The following SMC1B variants were observed in gnomAD, a reference collection of about 807,000 sequenced individuals.
SMC1B encodes structural maintenance of chromosomes protein 1B.
In SMC1B, 60 loss-of-function variants were observed where a neutral mutation model predicts 157.9. The observed-to-expected ratio is 0.38, with a 90% CI of 0.31 to 0.47. The LOEUF is 0.47. Ranked by LOEUF, SMC1B falls within the 20% of genes least tolerant of loss-of-function variation. The pLI is 0.99. For synonymous variants in SMC1B, 445 were observed against 483.0 expected, an observed-to-expected ratio of 0.92 and a Z score of 1.03; for missense variants, 1,165 against 1,426.2, an observed-to-expected ratio of 0.82 and a Z score of 2.95.
chr22:45,393,695 T>A lies in SMC1B; in HGVS notation c.1484A>T (p.Lys495Ile), dbSNP rs1294331848. 1 of 1,614,166 alleles carries A rather than the reference T, an allele frequency of 6.2e-7. No individual in the cohort carries two copies. Among genetic ancestry groups the A allele is most frequent in the South Asian group, 1.1e-5 (1 of 91,076 alleles). ...QNAGIDTHEG[K>I]RQQKRAEVLE... is the part of the protein sequence containing the mutation. ...AACCTCTGCTCTCTTTTGCTGACGT[T>A]TTCCCTCATGGGTATCAATCCCAGC... Residue 495 changes from lysine to isoleucine, a missense_variant, in exon 9 of 25, where the codon AAA (lysine) becomes ATA (isoleucine). Transcript: ENST00000357450.
At chr22:45,357,495 G>T (rs766059337) in intron 19 of SMC1B, among the ~76,000 whole-genome samples, 62 of 152,340 alleles carry the variant, frequency 4.1e-4, no homozygotes, top group Middle Eastern at 3.4e-3. Flanking sequence ...GAGCAAATTT[G>T]GGATGCTGGA....
chr22:45,401,503 C>T (rs1007885226), intron 5 of SMC1B, among the ~76,000 whole-genome samples: 2 of 152,208 alleles, frequency 1.3e-5, no homozygotes, highest in African/African-American at 2.4e-5. Context: ...GCAAACATGG[C>T]GCCAGCCAGG....
intron 6 of SMC1B, 37 bp from the exon 7 acceptor site, chr22:45,396,523 TAAG>T: frequency 6.3e-7 from 1 of 1,576,872 alleles, no homozygotes; most frequent in South Asian, 1.2e-5. Flanking sequence ...TAATTCACCT[TAAG>T]AAGCATGAGA....
At chr22:45,388,586 T>C (rs1025225208) in intron 10 of SMC1B, among the ~76,000 whole-genome samples, 2 of 152,196 alleles carry the variant, frequency 1.3e-5, no homozygotes, top group Admixed American at 1.3e-4. Context: ...GTGCAGGTCC[T>C]ATGCCAGGTG....
At chr22:45,355,648 T>C (rs2086662255) in intron 19 of SMC1B, among the ~76,000 whole-genome samples, 1 of 152,108 alleles carries the variant, frequency 6.6e-6, no homozygotes, top group Non-Finnish European at 1.5e-5. Context: ...GCATAGGTAC[T>C]ACGGGGCAGG....
rs185109154 is a variant in SMC1B, at chr22:45,377,053, G to A, written c.2059-4761C>T. 1.7e-4 allele frequency among the ~76,000 whole-genome samples: 26 copies of A among 152,270 alleles called. No individual in the cohort carries two copies. The East Asian group carries it at 4.8e-3, about 28-fold the overall frequency. ...GATTAGGCCAGCAAACCACACCACT[G>A]CCTATCTTTTCAAACATTTCACTTT... On this transcript the variant is annotated intron_variant, in intron 12 of 24. Coordinates refer to ENST00000357450, the MANE Select transcript of SMC1B (RefSeq NM_148674.5).
At position 45,352,588 on chromosome 22, in the gene SMC1B, T is replaced by G; in HGVS notation, c.3288A>C (p.Pro1096=). The part of the protein sequence containing the change: ...RNNSAQAFLS[P]ENPEEPYLEG... ...CCAAGTAAGGTTCTTCAGGGTTCTC[T>G]GGGCTAAGAAATGCCTGAAACGCAT... The change falls in exon 22 of 25, where the codon CCA becomes CCC. Residue 1096 remains proline (P), a synonymous_variant. Transcript: ENST00000357450. 11 of 1,608,004 alleles carry G rather than the reference T, an allele frequency of 6.8e-6. No homozygotes were observed. Among genetic ancestry groups the G allele is most frequent in the Non-Finnish European group, 9.3e-6 (11 of 1,177,196 alleles).
chr22:45,385,941 T>C (rs2086985068), intron 11 of SMC1B, among the ~76,000 whole-genome samples: 1 of 152,124 alleles, frequency 6.6e-6, no homozygotes, highest in South Asian at 2.1e-4. Flanking sequence ...CTGCTTTTTG[T>C]TAATTTGCAA....
At chr22:45,380,163 T>C (rs79805225) in intron 12 of SMC1B, among the ~76,000 whole-genome samples, 2,762 of 152,326 alleles carry the variant, frequency 0.018, 86 homozygotes, top group African/African-American at 0.064. Flanking sequence ...TTTTAGCTAT[T>C]ATTCCATAGT....
chr22:45,383,236 G>A (rs1295218258), intron 12 of SMC1B, among the ~76,000 whole-genome samples: 1 of 152,038 alleles, frequency 6.6e-6, no homozygotes, highest in African/African-American at 2.4e-5. Context: ...ACATACACTT[G>A]CACACACAAA....
At chr22:45,384,502 T>G in intron 11 of SMC1B, among the ~76,000 whole-genome samples, 1 of 152,020 alleles carries the variant, frequency 6.6e-6, no homozygotes, top group East Asian at 1.9e-4. Context: ...GGCAGATCAC[T>G]TGAGGTCAGG....
At chr22:45,398,106 T>G (rs2087146852) in intron 6 of SMC1B, among the ~76,000 whole-genome samples, 2 of 152,138 alleles carry the variant, frequency 1.3e-5, no homozygotes, top group Admixed American at 6.5e-5. Flanking sequence ...TTAACATGCC[T>G]TCGGACGTGC....
chr22:45,386,407 T>C (rs1485453007), intron 11 of SMC1B, among the ~76,000 whole-genome samples: 1 of 44,906 alleles, frequency 2.2e-5, no homozygotes, highest in Non-Finnish European at 3.5e-5. Flanking sequence ...TCATTTCAAT[T>C]GTGTTTTCTA....
At chr22:45,388,752 G>T (rs189049157) in intron 10 of SMC1B, among the ~76,000 whole-genome samples, 98 of 152,040 alleles carry the variant, frequency 6.4e-4, no homozygotes, top group African/African-American at 2.3e-3. Context: ...CGAGGCAGGC[G>T]GATCACCTGA....
rs1002855862 is a variant in SMC1B, at chr22:45,355,174, T to C, written c.2962-59A>G. ...GGCATGTCTTTTACATCCAGCAAGG[T>C]AGGGTGCGTGTGTGGGGCACTTCAC... is the stretch of plus-strand genomic sequence containing the variant. On this transcript the variant is annotated intron_variant, in intron 19 of 24. Coordinates refer to ENST00000357450, the MANE Select transcript of SMC1B (RefSeq NM_148674.5). 7.6e-6 allele frequency: 12 copies of C among 1,583,128 alleles called. No homozygotes were observed. In the African/African-American group the frequency reaches 1.6e-4, roughly 21 times the overall value.
At chr22:45,409,199 T>C (rs2087299603) in intron 1 of SMC1B, among the ~76,000 whole-genome samples, 1 of 152,202 alleles carries the variant, frequency 6.6e-6, no homozygotes. Context: ...GAGTTTCAAT[T>C]ATCCTCATTT....
In SMC1B at chr22:45,408,727, A is replaced by T; in HGVS notation, c.281T>A (p.Phe94Tyr). ...AAAAATACCTCGGATAATCCTTGCA[A>T]ATGTTTTCTCTTCGCCACTTTCCTC... ...YVEESGEEKTFARIIRGGCSE... is the reference protein window; with the variant it reads ...YVEESGEEKTYARIIRGGCSE... The change falls in exon 2 of 25, where the codon TTT becomes TAT. Residue 94 changes from phenylalanine (F) to tyrosine (Y), a missense_variant. Phe to Tyr is a conservative substitution (Grantham distance 22). Coordinates refer to ENST00000357450, the MANE Select transcript of SMC1B (RefSeq NM_148674.5). 6.3e-7 allele frequency: 1 copy of T among 1,592,320 alleles called. No homozygotes were observed. The highest frequency in any genetic ancestry group is 1.2e-5 in the South Asian group (1 of 85,916).
intron 15 of SMC1B, among the ~76,000 whole-genome samples, chr22:45,368,696 T>C (rs1407155245): frequency 6.7e-6 from 1 of 149,614 alleles, no homozygotes; most frequent in Non-Finnish European, 1.5e-5. Context: ...TTTGTATTTT[T>C]AGTAGTGATG....
chr22:45,346,329 G>C (rs960180983), intron 23 of SMC1B, among the ~76,000 whole-genome samples: 2 of 152,198 alleles, frequency 1.3e-5, no homozygotes, highest in African/African-American at 4.8e-5. Flanking sequence ...TTTGGTTAGA[G>C]GTGAACTCTG....
Sources: gnomAD v4.1 joint callset for allele counts (sites outside exome capture counted in the v4.1 genomes callset) on GRCh38, gnomAD v4.1.1 for gene constraint, MANE v1.5 for transcripts, NCBI Gene and HGNC (gene_info 2026-07-23, HGNC 2026-07-21) for gene names.